CAPN12: variants seen among roughly 807,000 people sequenced by gnomAD.
CAPN12 encodes calpain 12.
Under a neutral mutation model 95.0 loss-of-function variants are expected in CAPN12, and 107 were observed. That is an observed-to-expected ratio of 1.13 (90% CI 0.96 to 1.32). CAPN12 has a LOEUF of 1.32. Ranked by LOEUF, CAPN12 falls within the 40% of genes most tolerant of loss-of-function variation. The probability of loss-of-function intolerance (pLI) is 0.00; values close to 1 mark genes in which losing one functional copy is unlikely to be tolerated. For missense variants in CAPN12, 1,136 were observed against 997.8 expected (o/e 1.14, Z -1.87); for synonymous variants, 505 against 415.5 (o/e 1.22, Z -2.62).
intron 18 of CAPN12, among the ~76,000 whole-genome samples, chr19:38,732,521 G>A (rs538338413): frequency 1.3e-5 from 2 of 152,192 alleles, no homozygotes; most frequent in Non-Finnish European, 2.9e-5. Context: ...TAGTAGAGAC[G>A]GGGGTTCCGC....
chr19:38,738,717 A>G (rs1970371532), intron 5 of CAPN12, 69 bp from the exon 6 acceptor site: 5 of 1,433,544 alleles, frequency 3.5e-6, no homozygotes, highest in South Asian at 3.5e-5. Flanking sequence ...CCTGCCCCCA[A>G]CCTCCTGCCA....
Position 38,736,130 on chromosome 19 carries a change from G to A in CAPN12, c.1563C>T (p.Ser521=), listed in dbSNP as rs550178445. ...DEADFTLRVF[S]ERRHTAVEID... is the part of the protein sequence containing the mutation. ...CTCACACGGCCGTGTGGCGGCGCTC[G>A]GAGAAGACACGCAGAGTGAAGTCAG... The change falls in exon 12 of 21, where the codon TCC becomes TCT. Residue 521 remains serine (S), a synonymous_variant. Coordinates refer to ENST00000328867, the MANE Select transcript of CAPN12 (RefSeq NM_144691.4). The A allele has an allele frequency of 1.8e-4, 268 of 1,506,848 alleles. 1 individual carries two copies. Among genetic ancestry groups the A allele is most frequent in the Admixed American group, 8.2e-4 (39 of 47,536 alleles). 93.3% of individuals were successfully genotyped at this position (1,506,848 alleles called of 1,614,324 possible).
At chr19:38,742,736 A>C (rs916653669) in intron 2 of CAPN12, among the ~76,000 whole-genome samples, 1 of 151,344 alleles carries the variant, frequency 6.6e-6, no homozygotes, top group African/African-American at 2.4e-5. Flanking sequence ...CTGTAGTCCC[A>C]GCTACTTGGG....
At chr19:38,739,082 G>A in intron 5 of CAPN12, 1 of 242,148 alleles carries the variant, frequency 4.1e-6, no homozygotes, top group South Asian at 5.4e-5. Context: ...AGTGAGCTAT[G>A]ATGACACTAC....
intron 5 of CAPN12, 192 bp from the exon 6 acceptor site, chr19:38,738,840 A>G: frequency 1.6e-6 from 1 of 606,838 alleles, no homozygotes; most frequent in Non-Finnish European, 2.9e-6. Context: ...GATGGAAACG[A>G]GACAAAAGGA....
At position 38,737,304 on chromosome 19, in the gene CAPN12, C is replaced by A; in HGVS notation, c.1214G>T (p.Gly405Val). The change falls in exon 10 of 21, where the codon GGG (glycine) becomes GTG (valine). Residue 405 changes from glycine to valine, a missense_variant. By Grantham distance (109) the Gly-to-Val change is moderately radical. Transcript: ENST00000328867. ...CCGTGCCCCTGCAGCCCCCCAGCCC[C>A]CCCAGGGCCCTTCCTCATCCTCGTC... ...EDDEDEEGPW[G>V]GWGAAGARGP... The A allele has an allele frequency of 6.4e-7, 1 of 1,559,852 alleles. No individual in the cohort carries two copies. The highest frequency in any genetic ancestry group is 2.4e-5 in the East Asian group (1 of 41,734).
In CAPN12 at chr19:38,734,926, A is replaced by G. The variant is rs368599068; in HGVS notation, c.1687-56T>C. 18 of 1,557,714 alleles carry G rather than the reference A, an allele frequency of 1.2e-5. No homozygotes were observed. The African/African-American group carries it at 2.4e-4, about 21-fold the overall frequency. On this transcript the variant is annotated intron_variant, in intron 14 of 20. Coordinates refer to ENST00000328867, the MANE Select transcript of CAPN12 (RefSeq NM_144691.4). ...TTTACTCATCCAGCTGCTCTGGGCCAAGCCCTGTGCTAGGGACACGGCAGG... is the reference window on the plus strand; with the variant it reads ...TTTACTCATCCAGCTGCTCTGGGCCGAGCCCTGTGCTAGGGACACGGCAGG...
At chr19:38,736,919 CCCTACTCCCCT>C in intron 10 of CAPN12, 1 of 357,614 alleles carries the variant, frequency 2.8e-6, no homozygotes, top group South Asian at 5.5e-5. Context: ...CCTACTAGCC[CCCTACTCCCCT>C]CCCAGCGCCG....
Position 38,735,440 on chromosome 19 carries a change from G to A in CAPN12, c.1627-11C>T, listed in dbSNP as rs1288562781. ...GGGCAGGTAGGGGCCCTGCCGCATG[G>A]CGGAAGTTTAGCGCTGGCCAAGATC... On this transcript the variant is annotated splice_polypyrimidine_tract_variant and intron_variant, in intron 13 of 20. Transcript: ENST00000328867. 1.9e-6 allele frequency: 3 copies of A among 1,610,996 alleles called. No individual in the cohort carries two copies. The highest frequency in any genetic ancestry group is 2.2e-5 in the South Asian group (2 of 90,920).
At position 38,733,872 on chromosome 19, in the gene CAPN12, C is replaced by T. The variant is rs1969816189; in HGVS notation, c.1879-91G>A. On this transcript the variant is annotated intron_variant, in intron 17 of 20. Coordinates refer to ENST00000328867, the MANE Select transcript of CAPN12 (RefSeq NM_144691.4). Reference sequence around the variant, plus strand: ...CAGGCAAGACAGCCTGGTGCCCATCCCAACTCCCTTTCTTCTGGTGTGGAC... The same window carrying T: ...CAGGCAAGACAGCCTGGTGCCCATCTCAACTCCCTTTCTTCTGGTGTGGAC... 3 of 1,106,676 alleles carry T rather than the reference C, an allele frequency of 2.7e-6. No homozygotes were observed. In the Admixed American group the frequency reaches 6.0e-5, roughly 22 times the overall value. The allele number at this position is 1,106,676 out of a possible 1,614,324, so 68.6% of individuals were successfully genotyped here.
chr19:38,732,674 TCTCACA>T (rs891302707), intron 18 of CAPN12, among the ~76,000 whole-genome samples: 1 of 152,204 alleles, frequency 6.6e-6, no homozygotes, highest in African/African-American at 2.4e-5. Context: ...CTTCTCTGGG[TCTCACA>T]CTCACAGCCA....
intron 1 of CAPN12, 164 bp from the exon 2 acceptor site, chr19:38,743,266 CCCCTCCTCCCTCAGACCCGGGAGTCCAG>C (rs1970667921): frequency 1.4e-6 from 1 of 706,310 alleles, no homozygotes; most frequent in Non-Finnish European, 2.4e-6. Context: ...CCATGGTAGC[CCCCTCCTCCCTCAGACCCGGGAGTCCAG>C]GCCCAGCCCC....
Position 38,733,735 on chromosome 19 carries a change from G to C in CAPN12, c.1925C>G (p.Ser642Cys), listed in dbSNP as rs1158426066. The C allele has an allele frequency of 6.2e-7, 1 of 1,613,674 alleles. No homozygotes were observed. The highest frequency in any genetic ancestry group is 8.5e-7 in the Non-Finnish European group (1 of 1,179,968). ...ATTCAGTGCCAGCCTCAGCTCGTAG[G>C]AGTTCATGGTTCCAGAGGTGTCCTC... ...FDEDTSGTMN[S>C]YELRLALNAA... Residue 642 changes from serine (S) to cysteine (C), a missense_variant, in exon 18 of 21, where the codon TCC (serine) becomes TGC (cysteine). By Grantham distance (112) the Ser-to-Cys change is moderately radical. Transcript: ENST00000328867.
intron 8 of CAPN12, 152 bp from the exon 9 acceptor site, chr19:38,737,790 C>T: frequency 9.3e-7 from 1 of 1,080,334 alleles, no homozygotes; most frequent in East Asian, 2.8e-5. Context: ...ATGCCTGGGC[C>T]TCTAGCTCTG....
rs183086073 is a variant in CAPN12 at position 38,730,344 on chromosome 19, C to T, written c.*508G>A. 2.3e-3 allele frequency: 395 copies of T among 171,012 alleles called. 2 individuals carry two copies. The highest frequency in any genetic ancestry group is 8.4e-3 in the African/African-American group (352 of 41,662). 10.6% of individuals were successfully genotyped at this position (171,012 alleles called of 1,614,324 possible). On this transcript the variant is annotated 3_prime_UTR_variant, in exon 21 of 21. Coordinates refer to ENST00000328867, the MANE Select transcript of CAPN12 (RefSeq NM_144691.4). ...TGCTGATGCTCCTCCGGGTCTGCGT[C>T]GGGCGTGGGTCTCTGGGGACCCTCC...
intron 10 of CAPN12, 43 bp downstream of exon 10, chr19:38,737,113 C>A (rs1568784454): frequency 1.3e-6 from 2 of 1,481,892 alleles, no homozygotes; most frequent in East Asian, 5.0e-5. Context: ...CGCCCCTCCA[C>A]CCTCCGGGTT....
intron 18 of CAPN12, chr19:38,731,522 T>C (rs1438494449): frequency 2.2e-6 from 1 of 457,630 alleles, no homozygotes; most frequent in African/African-American, 2.0e-5. Context: ...CCTGTGGGGC[T>C]TTCTCCTTGC....
At chr19:38,737,707 TC>T (rs1970303137) in intron 8 of CAPN12, 69 bp from the exon 9 acceptor site, 1 of 1,449,224 alleles carries the variant, frequency 6.9e-7, no homozygotes, top group Admixed American at 2.8e-5. Flanking sequence ...CGGAAATGAC[TC>T]CCAGATCCCA....
At chr19:38,741,744 A>C in intron 4 of CAPN12, 33 bp downstream of exon 4, 1 of 1,611,576 alleles carries the variant, frequency 6.2e-7, no homozygotes, top group Non-Finnish European at 8.5e-7. Flanking sequence ...GTGGGGACTT[A>C]GGGCTGCAGC....
Sources: allele counts gnomAD v4.1 joint callset (sites outside exome capture counted in the v4.1 genomes callset), GRCh38; gene constraint gnomAD v4.1.1; transcripts MANE v1.5; gene names NCBI Gene and HGNC (gene_info 2026-07-23, HGNC 2026-07-21).